The following CCNH variants were observed in gnomAD, a reference collection of about 807,000 sequenced individuals.
CCNH encodes the protein cyclin H.
A neutral mutation model predicts 41.9 loss-of-function variants in CCNH; 31 were observed. The ratio of observed to expected loss-of-function variants is 0.74; its 90% CI spans 0.56 to 1.00. The LOEUF (loss-of-function observed/expected upper bound fraction) is 1.00, where lower values mean the gene tolerates loss of function less well. Among genes scored for constraint, CCNH ranks in the 50% least tolerant of loss-of-function variants. CCNH has a pLI of 0.00. For synonymous variants in CCNH, 138 were observed against 136.1 expected (o/e 1.01, Z -0.10); for missense variants, 362 against 388.4 (o/e 0.93, Z 0.57).
rs745947831 is a variant in CCNH, at chr5:87,394,447, TAG to T, written c.969_970del (p.Ter324ThrfsTer3). The stretch of plus-strand genomic sequence containing the variant: ...CATTGAGAAATCAACTTCAAATGGT[TAG>T]AGAGATTCTACCAGGTCGTCATCAG... On this transcript the variant is annotated frameshift_variant and stop_lost, in exon 9 of 9. Transcript: ENST00000256897. LOFTEE classifies it high-confidence loss of function. The T allele has an allele frequency of 1.2e-6, 2 of 1,612,922 alleles. No individual in the cohort carries two copies. Among genetic ancestry groups the T allele is most frequent in the East Asian group, 2.2e-5 (1 of 44,798 alleles).
intron 9 of CCNH, among the ~76,000 whole-genome samples, chr5:87,341,649 TC>T (rs1758471962): frequency 6.6e-6 from 1 of 152,134 alleles, no homozygotes; most frequent in African/African-American, 2.4e-5. Flanking sequence ...TCATAGTATT[TC>T]TTGTTTTATA....
chr5:87,312,304 C>T, the CCNH span, among the ~76,000 whole-genome samples: 1 of 152,156 alleles, frequency 6.6e-6, no homozygotes, highest in Admixed American at 6.5e-5. Context: ...GGAAATCTGT[C>T]TTCTGTTAAG....
At chr5:87,323,787 C>A (rs568669174) in intron 9 of CCNH, among the ~76,000 whole-genome samples, 21 of 151,912 alleles carry the variant, frequency 1.4e-4, no homozygotes, top group Non-Finnish European at 2.6e-4. Context: ...CAGTCCCTCA[C>A]TTTTTCCAAG....
chr5:87,381,543 C>A (rs1761716936), upstream of CCNH, among the ~76,000 whole-genome samples: 1 of 152,156 alleles, frequency 6.6e-6, no homozygotes, highest in Admixed American at 6.5e-5. Flanking sequence ...ATGTGTTAAT[C>A]CTGCCTCCAA....
chr5:87,325,287 CCCA>C (rs1198537367), intron 9 of CCNH, among the ~76,000 whole-genome samples: 1 of 152,168 alleles, frequency 6.6e-6, no homozygotes, highest in Non-Finnish European at 1.5e-5. Context: ...TCGGGTCCCA[CCCA>C]CAACATGTGG....
intron 5 of CCNH, 127 bp from the exon 6 acceptor site, chr5:87,401,899 A>T: frequency 3.7e-6 from 2 of 544,828 alleles, no homozygotes; most frequent in Admixed American, 3.5e-5. Flanking sequence ...ATGAATGTAT[A>T]ATCTGTAACT....
rs1480626759 is a variant in CCNH, at chr5:87,366,825, G to T, written c.*90+25945C>A. The stretch of plus-strand genomic sequence containing the variant: ...GGTGGGCTGATCGCTTAAGCTCAGG[G>T]GTTGGAGACCAGCCTGGGCCTACAT... On this transcript the variant is annotated intron_variant and NMD_transcript_variant, in intron 9 of 9. Transcript: ENST00000645953. 3.9e-5 allele frequency among the ~76,000 whole-genome samples: 6 copies of T among 152,076 alleles called. No homozygotes were observed. In the South Asian group the frequency reaches 6.2e-4, roughly 16 times the overall value.
At chr5:87,391,726 A>G (rs1244464597), downstream of CCNH, 2 of 231,824 alleles carry the variant, frequency 8.6e-6, no homozygotes, top group African/African-American at 2.2e-5. Context: ...TTTGTTCATT[A>G]TTTGTGCTAC....
chr5:87,412,615 A>G, intron 1 of CCNH, 63 bp downstream of exon 1: 1 of 1,590,620 alleles, frequency 6.3e-7, no homozygotes, highest in Non-Finnish European at 8.6e-7. Context: ...GAGCCAGAAG[A>G]GCTCCCGCAG....
intron 1 of CCNH, chr5:87,412,348 C>T: frequency 1.0e-6 from 1 of 999,220 alleles, no homozygotes; most frequent in Non-Finnish European, 1.2e-6. Context: ...ATTTTCTCCG[C>T]ATTGGCTACT....
At chr5:87,361,999 C>CA (rs1464122587) in intron 9 of CCNH, among the ~76,000 whole-genome samples, 11 of 152,110 alleles carry the variant, frequency 7.2e-5, no homozygotes, top group African/African-American at 2.7e-4. Context: ...ATGGTTATAA[C>CA]ACCAGCTGTG....
chr5:87,369,990 T>C (rs1760811157), intron 9 of CCNH: 1 of 1,106,432 alleles, frequency 9.0e-7, no homozygotes, highest in East Asian at 2.5e-5. Context: ...GCATTCAAGA[T>C]AAAGTGACAG....
At chr5:87,379,890 C>T (rs754406588), upstream of CCNH, 9 of 1,584,736 alleles carry the variant, frequency 5.7e-6, no homozygotes, top group South Asian at 1.1e-5. Context: ...AATTGTGTAT[C>T]TATGTCTTCA....
chr5:87,372,707 G>A (rs369244856), downstream of CCNH, among the ~76,000 whole-genome samples: 1 of 152,004 alleles, frequency 6.6e-6, no homozygotes, highest in East Asian at 1.9e-4. Context: ...CCTTTACAAG[G>A]GTAACTTTAT....
At chr5:87,403,655 G>A (rs1375365217) in intron 5 of CCNH, among the ~76,000 whole-genome samples, 1 of 152,094 alleles carries the variant, frequency 6.6e-6, no homozygotes, top group African/African-American at 2.4e-5. Context: ...GGCGGTGTGT[G>A]CCTGTGGTTC....
chr5:87,333,394 T>A, intron 9 of CCNH: 1 of 1,601,206 alleles, frequency 6.2e-7, no homozygotes. Flanking sequence ...CTTCGAAGAT[T>A]TATTACTCTT....
intron 9 of CCNH, among the ~76,000 whole-genome samples, chr5:87,338,544 T>TTTTTC (rs1561292600): frequency 7.3e-6 from 1 of 137,926 alleles, no homozygotes; most frequent in African/African-American, 2.6e-5. Context: ...AAATTTTTTT[T>TTTTTC]TTTTTTAAGT....
rs1561292307 is a variant in CCNH, at chr5:87,338,516, TA to T, written c.*91-19620del. 3.4e-4 allele frequency among the ~76,000 whole-genome samples: 34 copies of T among 99,322 alleles called. 3 individuals are homozygous for T. Among genetic ancestry groups the T allele is most frequent in the South Asian group, 7.1e-4 (2 of 2,826 alleles). 65.2% of individuals were successfully genotyped at this position (99,322 alleles called of 152,430 possible). ...CCAGCTAATTTTATATATATATATATATATATATATATATATAAAATTTTTT... is the reference window on the plus strand; with the variant it reads ...CCAGCTAATTTTATATATATATATATTATATATATATATATAAAATTTTTT... On this transcript the variant is annotated intron_variant and NMD_transcript_variant, in intron 9 of 9. Coordinates refer to the CCNH transcript ENST00000645953.
At chr5:87,411,399 T>C in intron 1 of CCNH, 53 bp from the exon 2 acceptor site, 2 of 1,531,502 alleles carry the variant, frequency 1.3e-6, no homozygotes, top group East Asian at 2.3e-5. Flanking sequence ...AATTAAACAA[T>C]TGTAAAACAT....
Sources: gnomAD v4.1 joint callset for allele counts (sites outside exome capture counted in the v4.1 genomes callset) on GRCh38, gnomAD v4.1.1 for gene constraint, MANE v1.5 for transcripts, NCBI Gene and HGNC (gene_info 2026-07-23, HGNC 2026-07-21) for gene names.